CNTN4: variants seen among roughly 807,000 people sequenced by gnomAD.
The protein encoded by CNTN4 is contactin-4.
In CNTN4, 77 loss-of-function variants were observed where a neutral mutation model predicts 122.5. The ratio of observed to expected loss-of-function variants is 0.63; its 90% CI spans 0.52 to 0.76. The LOEUF is 0.76. CNTN4 is among the 30% of genes least tolerant of loss of function. The pLI is 0.00. For missense variants in CNTN4, 1,256 were observed against 1,259.1 expected, an observed-to-expected ratio of 1.00 and a Z score of 0.04; for synonymous variants, 512 against 447.0, an observed-to-expected ratio of 1.15 and a Z score of -1.83.
At chr3:2,362,493 G>A (rs976241446) in intron 3 of CNTN4, 2 of 515,822 alleles carry the variant, frequency 3.9e-6, no homozygotes, top group Non-Finnish European at 7.7e-6. Flanking sequence ...TGTTCCCTGA[G>A]GTGGCTCCAT....
intron 3 of CNTN4, among the ~76,000 whole-genome samples, chr3:2,455,620 A>G (rs2048970892): frequency 6.6e-6 from 1 of 152,164 alleles, no homozygotes; most frequent in Non-Finnish European, 1.5e-5. Flanking sequence ...CTGTTTTGTC[A>G]GTGATGGAGG....
chr3:2,448,627 C>T (rs537793805), intron 3 of CNTN4, among the ~76,000 whole-genome samples: 8 of 152,252 alleles, frequency 5.3e-5, no homozygotes, highest in Non-Finnish European at 1.2e-4. Context: ...TCCCATGGAG[C>T]CAGAGGAAGT....
At chr3:2,893,458 A>G (rs2151067777) in intron 10 of CNTN4, among the ~76,000 whole-genome samples, 1 of 152,340 alleles carries the variant, frequency 6.6e-6, no homozygotes, top group Non-Finnish European at 1.5e-5. Flanking sequence ...ATTGTCCTAG[A>G]CAGAACTGAT....
At chr3:2,858,300 T>G (rs1002131706) in intron 7 of CNTN4, among the ~76,000 whole-genome samples, 12 of 152,244 alleles carry the variant, frequency 7.9e-5, no homozygotes, top group Non-Finnish European at 1.5e-5. Context: ...CCTTTTGTGT[T>G]GTAACAAGCC....
At chr3:2,929,573 G>T (rs2094502263) in intron 13 of CNTN4, among the ~76,000 whole-genome samples, 1 of 152,168 alleles carries the variant, frequency 6.6e-6, no homozygotes, top group Admixed American at 6.5e-5. Context: ...TGCAACTGCA[G>T]GTATGACAGG....
chr3:2,953,606 C>A (rs1457494244), intron 13 of CNTN4, among the ~76,000 whole-genome samples: 1 of 152,092 alleles, frequency 6.6e-6, no homozygotes, highest in African/African-American at 2.4e-5. Context: ...TACCTAAACA[C>A]TGGAGAAGTC....
intron 4 of CNTN4, among the ~76,000 whole-genome samples, chr3:2,655,167 T>A (rs1286011482): frequency 1.3e-5 from 2 of 152,186 alleles, no homozygotes; most frequent in African/African-American, 4.8e-5. Flanking sequence ...TTATTCCTCC[T>A]CCCTCCAGTG....
chr3:2,848,899 A>G (rs1376293233), intron 7 of CNTN4, among the ~76,000 whole-genome samples: 1 of 152,216 alleles, frequency 6.6e-6, no homozygotes, highest in Non-Finnish European at 1.5e-5. Flanking sequence ...TGGAGCCAGA[A>G]CGGAGATTAG....
At chr3:2,768,280 T>C (rs1239102044) in intron 6 of CNTN4, among the ~76,000 whole-genome samples, 1 of 152,214 alleles carries the variant, frequency 6.6e-6, no homozygotes, top group East Asian at 1.9e-4. Context: ...TGTGAAATAG[T>C]GCATTTTAAG....
intron 3 of CNTN4, among the ~76,000 whole-genome samples, chr3:2,389,656 A>G (rs957126685): frequency 1.3e-5 from 2 of 152,082 alleles, no homozygotes; most frequent in Admixed American, 6.5e-5. Flanking sequence ...AATGGATCTT[A>G]TCTATCTCCT....
intron 13 of CNTN4, among the ~76,000 whole-genome samples, chr3:2,982,953 C>T (rs139272102): frequency 3.4e-4 from 52 of 152,024 alleles, no homozygotes; most frequent in African/African-American, 1.0e-3. Flanking sequence ...CAGTGGCTCA[C>T]GCCTGTAATC....
intron 7 of CNTN4, among the ~76,000 whole-genome samples, chr3:2,828,526 G>C (rs1011831779): frequency 6.6e-6 from 1 of 152,050 alleles, no homozygotes; most frequent in Non-Finnish European, 1.5e-5. Flanking sequence ...AGAATGTTGA[G>C]GTCAGCCAAA....
intron 2 of CNTN4, among the ~76,000 whole-genome samples, chr3:2,151,870 A>G (rs942456611): frequency 3.3e-5 from 5 of 152,146 alleles, no homozygotes; most frequent in African/African-American, 1.2e-4. Flanking sequence ...TTTATTTTGG[A>G]CTTCTCAGCC....
intron 14 of CNTN4, among the ~76,000 whole-genome samples, chr3:3,008,581 TA>T (rs1696874862): frequency 6.6e-6 from 1 of 152,322 alleles, no homozygotes; most frequent in Admixed American, 6.5e-5. Flanking sequence ...CTCTAAGCTA[TA>T]GATTCTGCCT....
intron 7 of CNTN4, among the ~76,000 whole-genome samples, chr3:2,843,708 C>T (rs933361346): frequency 5.9e-5 from 9 of 152,138 alleles, no homozygotes; most frequent in African/African-American, 1.9e-4. Context: ...CCTGCTTCAC[C>T]TTCCACCTTA....
chr3:2,229,657 A>G (rs905970476), intron 2 of CNTN4, among the ~76,000 whole-genome samples: 1 of 113,014 alleles, frequency 8.8e-6, no homozygotes, highest in Non-Finnish European at 2.3e-5. Flanking sequence ...TATATAGTAA[A>G]TAAATAAGAG....
chr3:2,716,288 G>T (rs1319927046), intron 4 of CNTN4, among the ~76,000 whole-genome samples: 1 of 151,482 alleles, frequency 6.6e-6, no homozygotes, highest in African/African-American at 2.4e-5. Flanking sequence ...TTGAGATAAA[G>T]CACAGCATTA....
rs116212240 is a variant in CNTN4, at chr3:2,953,402, A to G, written c.1358+27623A>G. Among the ~76,000 whole-genome samples, 960 of 150,298 alleles carry G rather than the reference A, an allele frequency of 6.4e-3. 5 individuals are homozygous for G. The highest frequency in any genetic ancestry group is 0.024 in the Middle Eastern group (7 of 286). Reference sequence around the variant, plus strand: ...CTCCTCCCTCTGAAATCCTTGTTTCACTTGGCATCCAGGACCGCATAGGCC... The same window carrying G: ...CTCCTCCCTCTGAAATCCTTGTTTCGCTTGGCATCCAGGACCGCATAGGCC... On this transcript the variant is annotated intron_variant, in intron 13 of 24. Coordinates refer to ENST00000418658, the MANE Select transcript of CNTN4 (RefSeq NM_175607.3).
chr3:2,366,094 T>C (rs1000040298), intron 3 of CNTN4, among the ~76,000 whole-genome samples: 1 of 152,190 alleles, frequency 6.6e-6, no homozygotes, highest in Admixed American at 6.5e-5. Flanking sequence ...TTTTATTACA[T>C]GATATTTTCA....
Sources: gnomAD v4.1 joint callset for allele counts (sites outside exome capture counted in the v4.1 genomes callset) on GRCh38, gnomAD v4.1.1 for gene constraint, MANE v1.5 for transcripts, NCBI Gene and HGNC (gene_info 2026-07-23, HGNC 2026-07-21) for gene names.